ADAMTSL1: variants seen among roughly 807,000 people sequenced by gnomAD.
The protein encoded by ADAMTSL1 is ADAMTS-like protein 1.
ADAMTSL1 carries 126 observed loss-of-function variants against 201.8 expected under a neutral mutation model. The observed-to-expected ratio is 0.62, with a 90% CI of 0.54 to 0.72. The LOEUF (loss-of-function observed/expected upper bound fraction) is 0.72, where lower values mean the gene tolerates loss of function less well. Among genes scored for constraint, ADAMTSL1 ranks in the 30% least tolerant of loss-of-function variants. ADAMTSL1 has a pLI of 0.00. For synonymous variants in ADAMTSL1, 1,121 were observed against 903.4 expected (o/e 1.24, Z -4.32); for missense variants, 2,679 against 2,277.8 (o/e 1.18, Z -3.59).
intron 25 of ADAMTSL1, among the ~76,000 whole-genome samples, chr9:18,891,020 C>T (rs1829229798): frequency 6.6e-6 from 1 of 152,202 alleles, no homozygotes; most frequent in Non-Finnish European, 1.5e-5. Context: ...AGTGGCTCTG[C>T]TCCTGTGGGT....
intron 2 of ADAMTSL1, among the ~76,000 whole-genome samples, chr9:18,277,667 A>G (rs1246342161): frequency 6.6e-6 from 1 of 152,206 alleles, no homozygotes; most frequent in Non-Finnish European, 1.5e-5. Flanking sequence ...GTGTGACTGT[A>G]AAGCTAAAGT....
chr9:18,890,976 C>CG (rs1829225840), intron 25 of ADAMTSL1, among the ~76,000 whole-genome samples: 1 of 152,168 alleles, frequency 6.6e-6, no homozygotes, highest in Non-Finnish European at 1.5e-5. Context: ...TCAATGCCCC[C>CG]GGGAGTTTTT....
intron 2 of ADAMTSL1, among the ~76,000 whole-genome samples, chr9:18,414,898 G>A (rs1818606473): frequency 6.6e-6 from 1 of 152,194 alleles, no homozygotes; most frequent in Admixed American, 6.5e-5. Context: ...AAGAGTGGGA[G>A]GTAATGCCTG....
intron 2 of ADAMTSL1, among the ~76,000 whole-genome samples, chr9:18,522,180 A>G (rs926119753): frequency 1.3e-5 from 2 of 152,084 alleles, no homozygotes; most frequent in African/African-American, 4.8e-5. Context: ...CTGAAAAACT[A>G]CCTAACAGGT....
intron 19 of ADAMTSL1, 97 bp downstream of exon 19, chr9:18,778,003 G>C: frequency 6.8e-7 from 1 of 1,464,616 alleles, no homozygotes; most frequent in Non-Finnish European, 9.1e-7. Context: ...GTTTCCAGGG[G>C]TAGGGCTTAG....
At chr9:18,514,434 A>G (rs373971116) in intron 2 of ADAMTSL1, among the ~76,000 whole-genome samples, 1,430 of 142,654 alleles carry the variant, frequency 0.01, 16 homozygotes, top group South Asian at 0.048. Context: ...GGTTCACGCC[A>G]TTCTCCTGCC....
intron 1 of ADAMTSL1, among the ~76,000 whole-genome samples, chr9:17,960,234 C>T (rs971249257): frequency 2.0e-5 from 3 of 152,278 alleles, no homozygotes; most frequent in Middle Eastern, 3.4e-3. Context: ...AGGGCATGAC[C>T]CTCCCATGGA....
intron 1 of ADAMTSL1, among the ~76,000 whole-genome samples, chr9:18,098,764 A>C (rs1337341552): frequency 2.0e-5 from 3 of 152,094 alleles, no homozygotes; most frequent in Admixed American, 2.0e-4. Flanking sequence ...CTGGTGTCCT[A>C]CCCTAAGGAT....
chr9:18,463,964 A>G (rs1016301055), intron 2 of ADAMTSL1, among the ~76,000 whole-genome samples: 1 of 152,228 alleles, frequency 6.6e-6, no homozygotes, highest in Non-Finnish European at 1.5e-5. Context: ...CATTCAGCAA[A>G]TGTTCATTAG....
chr9:18,053,022 T>C (rs2131672726), intron 1 of ADAMTSL1, among the ~76,000 whole-genome samples: 1 of 152,352 alleles, frequency 6.6e-6, no homozygotes, highest in East Asian at 1.9e-4. Context: ...GAGGGCAATG[T>C]ATTATTTCTT....
At chr9:18,689,726 C>T (rs2133232999) in intron 13 of ADAMTSL1, among the ~76,000 whole-genome samples, 1 of 152,270 alleles carries the variant, frequency 6.6e-6, no homozygotes, top group Middle Eastern at 3.4e-3. Context: ...TTGCTTTGGA[C>T]ACAGTGTGGC....
chr9:18,102,665 C>G (rs891054349), intron 1 of ADAMTSL1, among the ~76,000 whole-genome samples: 9 of 152,184 alleles, frequency 5.9e-5, no homozygotes, highest in African/African-American at 1.9e-4. Flanking sequence ...TGCAAAGGTA[C>G]CAAGGGAGAA....
chr9:18,700,581 A>G (rs1368445712), intron 13 of ADAMTSL1, among the ~76,000 whole-genome samples: 2 of 152,152 alleles, frequency 1.3e-5, no homozygotes, highest in African/African-American at 4.8e-5. Flanking sequence ...GATTGCCCAG[A>G]ATCAGGGGAA....
intron 16 of ADAMTSL1, among the ~76,000 whole-genome samples, chr9:18,761,944 C>T (rs1255613343): frequency 6.6e-6 from 1 of 152,254 alleles, no homozygotes; most frequent in African/African-American, 2.4e-5. Context: ...GTGAAACCCA[C>T]TGCTGCCTTA....
chr9:18,508,204 A>T (rs1587408141), intron 2 of ADAMTSL1, among the ~76,000 whole-genome samples: 1 of 152,060 alleles, frequency 6.6e-6, no homozygotes, highest in African/African-American at 2.4e-5. Context: ...GAAAAAAAAA[A>T]ATTCAGTTTT....
intron 3 of ADAMTSL1, among the ~76,000 whole-genome samples, chr9:18,548,307 T>C (rs1030486700): frequency 2.0e-5 from 3 of 152,090 alleles, no homozygotes; most frequent in African/African-American, 7.2e-5. Flanking sequence ...CTTTTGGCAG[T>C]CTATTTAGTG....
chr9:18,225,532 G>C (rs67210036), intron 2 of ADAMTSL1, among the ~76,000 whole-genome samples: 32,286 of 151,878 alleles, frequency 0.21, 3,555 homozygotes, highest in East Asian at 0.25. Context: ...TAGGCAATAC[G>C]TTATTAACGT....
At chr9:18,022,017 G>A (rs187350711) in intron 1 of ADAMTSL1, among the ~76,000 whole-genome samples, 36 of 152,044 alleles carry the variant, frequency 2.4e-4, no homozygotes, top group African/African-American at 7.2e-4. Flanking sequence ...GGAGGGTGGC[G>A]GTTAAAGAAA....
At chr9:18,878,106 G>C (rs2131495063) in intron 23 of ADAMTSL1, among the ~76,000 whole-genome samples, 1 of 152,322 alleles carries the variant, frequency 6.6e-6, no homozygotes, top group East Asian at 1.9e-4. Flanking sequence ...CGAAAGGCCA[G>C]TCTCACTCCC....
Sources: allele counts gnomAD v4.1 joint callset (sites outside exome capture counted in the v4.1 genomes callset), GRCh38; gene constraint gnomAD v4.1.1; transcripts MANE v1.5; gene names NCBI Gene and HGNC (gene_info 2026-07-23, HGNC 2026-07-21).